STK32B: variants seen among roughly 807,000 people sequenced by gnomAD.
The protein encoded by STK32B is serine/threonine-protein kinase 32B.
STK32B carries 43 observed loss-of-function variants against 52.6 expected under a neutral mutation model. The ratio of observed to expected loss-of-function variants is 0.82; its 90% CI spans 0.64 to 1.05. STK32B has a LOEUF of 1.05. Ranked by LOEUF, STK32B falls within the 50% of genes least tolerant of loss-of-function variation. The pLI is 0.00. For missense variants in STK32B, 621 were observed against 534.6 expected, an observed-to-expected ratio of 1.16 and a Z score of -1.59; for synonymous variants, 238 against 204.3, an observed-to-expected ratio of 1.17 and a Z score of -1.41.
At chr4:5,158,299 C>T (rs1718027329) in intron 2 of STK32B, among the ~76,000 whole-genome samples, 1 of 152,124 alleles carries the variant, frequency 6.6e-6, no homozygotes, top group Non-Finnish European at 1.5e-5. Flanking sequence ...GCCAGTGGCA[C>T]AGCGCGGGTC....
At position 5,466,730 on chromosome 4, in the gene STK32B, TTTGAGCTTGAAGAG is replaced by T; in HGVS notation, c.938_951del (p.Phe313TyrfsTer155). The T allele has an allele frequency of 6.2e-7, 1 of 1,613,782 alleles. No homozygotes were observed. Among genetic ancestry groups the T allele is most frequent in the Non-Finnish European group, 8.5e-7 (1 of 1,179,862 alleles). ...AGGGAGGTTGAACTGCGATCCCACA[TTTGAGCTTGAAGAG>T]ATGATTCTAGAATCCAAGCCACTTC... On this transcript the variant is annotated frameshift_variant, in exon 10 of 12. Transcript: ENST00000282908. LOFTEE classifies it high-confidence loss of function.
At chr4:5,252,738 G>T (rs138841584) in intron 3 of STK32B, among the ~76,000 whole-genome samples, 1 of 152,314 alleles carries the variant, frequency 6.6e-6, no homozygotes, top group Non-Finnish European at 1.5e-5. Context: ...CTTCTAACCT[G>T]CGTGGTCTTA....
intron 4 of STK32B, among the ~76,000 whole-genome samples, chr4:5,362,946 A>T (rs1188218768): frequency 2.0e-5 from 3 of 152,064 alleles, no homozygotes; most frequent in Non-Finnish European, 4.4e-5. Context: ...TTGTGTTGTC[A>T]CTCCAAACTC....
chr4:5,241,092 T>C (rs1040337669), intron 3 of STK32B, among the ~76,000 whole-genome samples: 9 of 152,336 alleles, frequency 5.9e-5, no homozygotes, highest in South Asian at 2.1e-4. Flanking sequence ...TTTTTTTCTT[T>C]ATTGTGCTAA....
At chr4:5,229,602 T>C (rs891554211) in intron 3 of STK32B, among the ~76,000 whole-genome samples, 10 of 152,180 alleles carry the variant, frequency 6.6e-5, no homozygotes, top group African/African-American at 2.4e-4. Flanking sequence ...GTATTTTAGA[T>C]TTTCTAAAGC....
At chr4:5,450,797 A>G (rs756740998) in intron 7 of STK32B, among the ~76,000 whole-genome samples, 3 of 152,180 alleles carry the variant, frequency 2.0e-5, no homozygotes, top group Admixed American at 1.3e-4. Flanking sequence ...ACATCCCCCT[A>G]TTACTTCTAC....
intron 4 of STK32B, among the ~76,000 whole-genome samples, chr4:5,354,740 A>G (rs150893815): frequency 1.1e-4 from 16 of 152,358 alleles, no homozygotes; most frequent in Middle Eastern, 3.4e-3. Context: ...AAGGTGATGG[A>G]TATCCCAAAT....
At chr4:5,095,140 G>A (rs1048863494) in intron 1 of STK32B, among the ~76,000 whole-genome samples, 1 of 152,156 alleles carries the variant, frequency 6.6e-6, no homozygotes, top group African/African-American at 2.4e-5. Flanking sequence ...GTAGGAATGA[G>A]GGCTAGGGAC....
intron 11 of STK32B, among the ~76,000 whole-genome samples, chr4:5,489,621 A>ATTTTT (rs1193462359): frequency 6.6e-6 from 1 of 151,590 alleles, no homozygotes; most frequent in East Asian, 2.0e-4. Context: ...TATTTTATTT[A>ATTTTT]TTTTTTATTA....
At chr4:5,097,896 T>C (rs1277787513) in intron 1 of STK32B, among the ~76,000 whole-genome samples, 1 of 152,234 alleles carries the variant, frequency 6.6e-6, no homozygotes, top group East Asian at 1.9e-4. Flanking sequence ...GGAGTTATGC[T>C]AACCTGGGCT....
At chr4:5,193,600 C>T (rs552272359) in intron 3 of STK32B, among the ~76,000 whole-genome samples, 1 of 152,352 alleles carries the variant, frequency 6.6e-6, no homozygotes, top group Admixed American at 6.5e-5. Flanking sequence ...GTGCTGCATC[C>T]TGGAAGAGTC....
At position 5,440,542 on chromosome 4, in the gene STK32B, A is replaced by G. The variant is rs1025560484; in HGVS notation, c.563-6131A>G. Among the ~76,000 whole-genome samples the G allele has an allele frequency of 3.9e-5, 6 of 152,216 alleles. 1 individual carries two copies. Among genetic ancestry groups the G allele is most frequent in the Admixed American group, 3.3e-4 (5 of 15,282 alleles). ...GGTTTTCTAGATATACAATCATGTC[A>G]TCTGCAAACAGAGACAATTTGTCTT... is the stretch of plus-strand genomic sequence containing the variant. On this transcript the variant is annotated intron_variant, in intron 6 of 11. Transcript: ENST00000282908.
chr4:5,431,832 T>C (rs1408054786), intron 6 of STK32B, among the ~76,000 whole-genome samples: 1 of 152,096 alleles, frequency 6.6e-6, no homozygotes, highest in Non-Finnish European at 1.5e-5. Context: ...GACACCTGAG[T>C]TCATTTGACT....
intron 3 of STK32B, among the ~76,000 whole-genome samples, chr4:5,262,538 T>G (rs1321281268): frequency 1.3e-5 from 2 of 149,002 alleles, no homozygotes; most frequent in African/African-American, 2.5e-5. Context: ...GGCAGGAGAA[T>G]GGCGTGAACC....
intron 3 of STK32B, among the ~76,000 whole-genome samples, chr4:5,245,712 AGTT>A (rs1725396789): frequency 6.6e-6 from 1 of 152,072 alleles, no homozygotes; most frequent in Non-Finnish European, 1.5e-5. Context: ...GGCTGGTACC[AGTT>A]GTTCCTTTCC....
At chr4:5,235,017 C>T (rs1046401253) in intron 3 of STK32B, among the ~76,000 whole-genome samples, 2 of 152,194 alleles carry the variant, frequency 1.3e-5, no homozygotes, top group Non-Finnish European at 1.5e-5. Context: ...TTACATATGA[C>T]AGTTGAGTTC....
chr4:5,337,145 A>AT (rs55790354), intron 4 of STK32B, among the ~76,000 whole-genome samples: 6,317 of 142,962 alleles, frequency 0.044, 315 homozygotes, highest in African/African-American at 0.13. Context: ...TCCCTGGCCA[A>AT]TTTTTTTTTT....
At chr4:5,370,103 G>A (rs1158220809) in intron 4 of STK32B, among the ~76,000 whole-genome samples, 1 of 151,626 alleles carries the variant, frequency 6.6e-6, no homozygotes, top group Admixed American at 6.6e-5. Flanking sequence ...TCGAACTCCT[G>A]ACCTCAGGTG....
intron 9 of STK32B, among the ~76,000 whole-genome samples, chr4:5,463,528 A>G (rs986281853): frequency 6.6e-6 from 1 of 152,074 alleles, no homozygotes; most frequent in African/African-American, 2.4e-5. Context: ...CCCCACACAC[A>G]TATGCACACG....
Sources: allele counts gnomAD v4.1 joint callset (sites outside exome capture counted in the v4.1 genomes callset), GRCh38; gene constraint gnomAD v4.1.1; transcripts MANE v1.5; gene names NCBI Gene and HGNC (gene_info 2026-07-23, HGNC 2026-07-21).